Variants in EOMES observed in about 807,000 individuals in gnomAD.
The protein encoded by EOMES is eomesodermin, also known as eomesodermin homolog.
Under a neutral mutation model 61.0 loss-of-function variants are expected in EOMES, and 18 were observed. The ratio of observed to expected loss-of-function variants is 0.30; its 90% CI spans 0.20 to 0.44. EOMES has a LOEUF of 0.44. Among genes scored for constraint, EOMES ranks in the 20% least tolerant of loss-of-function variants. The pLI, the probability that EOMES is intolerant of heterozygous loss-of-function variation, is 1.00. For synonymous variants in EOMES, 430 were observed against 394.0 expected (o/e 1.09, Z -1.08); for missense variants, 885 against 939.2 (o/e 0.94, Z 0.75).
upstream of EOMES, chr3:27,722,408 C>T (rs1219874727): frequency 2.2e-6 from 3 of 1,366,000 alleles, no homozygotes; most frequent in Admixed American, 1.2e-4. Flanking sequence ...CTTCCCCTTC[C>T]TCCCGCGCCG....
Position 27,717,478 on chromosome 3 carries a change from T to C in EOMES, c.1710A>G (p.Lys570=), listed in dbSNP as rs2060577758. ...TSSTLLPYGI[K]SLPLQTSHAL... is the part of the protein sequence containing the mutation. ...CATGGGATGTCTGAAGGGGCAAGGA[T>C]TTAATGCCATATGGGAGCAATGTGC... The change falls in exon 6 of 6, where the codon AAA becomes AAG. Residue 570 remains lysine (K), a synonymous_variant. Transcript: ENST00000449599. This position sits in a 1 kb window ranked among gnomAD's most constrained non-coding sequence, Gnocchi z 4.5. 1 of 1,614,022 alleles carries C rather than the reference T, an allele frequency of 6.2e-7. No individual in the cohort carries two copies. The highest frequency in any genetic ancestry group is 1.3e-5 in the African/African-American group (1 of 74,930).
Position 27,720,292 on chromosome 3 carries a change from G to A in EOMES, c.915C>T (p.Asn305=), listed in dbSNP as rs763303684. The A allele has an allele frequency of 8.7e-6, 14 of 1,613,752 alleles. No homozygotes were observed. Among genetic ancestry groups the A allele is most frequent in the South Asian group, 2.2e-5 (2 of 91,082 alleles). Reference sequence around the variant, plus strand: ...TGTAGTGGGCAGTGGGATTGAGTCCGTTTATGTTGAAGCTCAAGAAAGGAA... The same window carrying A: ...TGTAGTGGGCAGTGGGATTGAGTCCATTTATGTTGAAGCTCAAGAAAGGAA... The part of the protein sequence containing the change: ...RMFPFLSFNI[N]GLNPTAHYNV... Residue 305 remains asparagine, a synonymous_variant, in exon 2 of 6, where the codon AAC becomes AAT. Transcript: ENST00000449599.
chr3:27,717,538 T>TA lies in EOMES; in HGVS notation c.1649dup (p.Asp551ArgfsTer6). On this transcript the variant is annotated frameshift_variant, in exon 6 of 6. Coordinates refer to ENST00000449599, the MANE Select transcript of EOMES (RefSeq NM_001278182.2). LOFTEE classifies it high-confidence loss of function. This position sits in a 1 kb window ranked among gnomAD's most constrained non-coding sequence, Gnocchi z 4.5. Reference sequence around the variant, plus strand: ...ATTCAGATTCATAGGAACTGATGTCTAGTTTGTTGGTCCCAGGTTGCTGGA... The same window carrying TA: ...ATTCAGATTCATAGGAACTGATGTCTAAGTTTGTTGGTCCCAGGTTGCTGGA... The TA allele has an allele frequency of 6.2e-7, 1 of 1,614,194 alleles. No individual in the cohort carries two copies. Among genetic ancestry groups the TA allele is most frequent in the African/African-American group, 1.3e-5 (1 of 75,060 alleles).
chr3:27,722,243 G>C lies in EOMES; in HGVS notation c.52C>G (p.His18Asp). 6.2e-7 allele frequency: 1 copy of C among 1,605,068 alleles called. No homozygotes were observed. The highest frequency in any genetic ancestry group is 8.5e-7 in the Non-Finnish European group (1 of 1,176,636). Residue 18 changes from histidine (H) to aspartate (D), a missense_variant, in exon 1 of 6, where the codon CAC becomes GAC. This residue lies in a region of EOMES where 449 missense variants were observed against 383.6 expected (regional missense o/e 1.17). Transcript: ENST00000449599. ...LVSSVNLPGA[H>D]FYPLESARGG... ...CGCGCACTCTCCAGCGGGTAGAAGTGCGCGCCAGGCAGGTTCACTGAGCTC... is the reference window on the plus strand; with the variant it reads ...CGCGCACTCTCCAGCGGGTAGAAGTCCGCGCCAGGCAGGTTCACTGAGCTC...
Position 27,716,376 on chromosome 3 carries a change from CTTTTT to C in EOMES, c.*689_*693del, listed in dbSNP as rs530939637. On this transcript the variant is annotated 3_prime_UTR_variant, in exon 6 of 6. Transcript: ENST00000449599. ...ACAACTGTACACTTTTAAATTCTCC[CTTTTT>C]TTTTTTTTTTTTTTTGGTGACTCCT... 2.3e-4 allele frequency: 27 copies of C among 115,840 alleles called. No homozygotes were observed. Among genetic ancestry groups the C allele is most frequent in the African/African-American group, 8.9e-4 (26 of 29,138 alleles). The allele number at this position is 115,840 out of a possible 1,614,324, so 7.2% of individuals were successfully genotyped here.
chr3:27,719,050 C>T (rs1009981433), intron 3 of EOMES, among the ~76,000 whole-genome samples, 157 bp from the exon 4 acceptor site: 1 of 151,636 alleles, frequency 6.6e-6, no homozygotes, highest in Admixed American at 6.6e-5. Flanking sequence ...CATTATTGCC[C>T]CCCCCCTTTT....
At chr3:27,722,694 C>T, upstream of EOMES, 1 of 1,008,322 alleles carries the variant, frequency 9.9e-7, no homozygotes, top group Non-Finnish European at 1.2e-6. Context: ...AAGCATCGGT[C>T]AAGTTGACCA....
At chr3:27,720,361 A>C (rs779881317) in intron 1 of EOMES, 36 bp from the exon 2 acceptor site, 3 of 1,599,204 alleles carry the variant, frequency 1.9e-6, no homozygotes, top group South Asian at 1.1e-5. Context: ...AATCGATTTT[A>C]ATTGGGATGT....
rs763924530 is a variant in EOMES at position 27,716,221 on chromosome 3, TG to T, written c.*848del. 5 of 152,228 alleles carry T rather than the reference TG, an allele frequency of 3.3e-5. No individual in the cohort carries two copies. Among genetic ancestry groups the T allele is most frequent in the Non-Finnish European group, 7.3e-5 (5 of 68,040 alleles). 9.4% of individuals were successfully genotyped at this position (152,228 alleles called of 1,614,324 possible). A position where few individuals can be genotyped will look rare whatever the true frequency, so the allele number is the denominator to read the frequency against. On this transcript the variant is annotated 3_prime_UTR_variant, in exon 6 of 6. Coordinates refer to ENST00000449599, the MANE Select transcript of EOMES (RefSeq NM_001278182.2). ...CATGGGGATGATGAAACTCTCCCCTTGCCCCTGCAGCTGTTAAGTGATTTGC... is the reference window on the plus strand; with the variant it reads ...CATGGGGATGATGAAACTCTCCCCTTCCCCTGCAGCTGTTAAGTGATTTGC...
Position 27,717,756 on chromosome 3 carries a change from G to C in EOMES, c.1432C>G (p.Pro478Ala). 2 of 1,613,110 alleles carry C rather than the reference G, an allele frequency of 1.2e-6. No homozygotes were observed. The highest frequency in any genetic ancestry group is 1.7e-6 in the Non-Finnish European group (2 of 1,179,386). The part of the protein sequence containing the change: ...DRLTPSPTDS[P>A]RSHQIVPGGR... ...CCAGGGACAATCTGATGGGATCTAG[G>C]AGAATCCGTGGGAGATGGAGTTAAC... The change falls in exon 6 of 6, where the codon CCT becomes GCT. Residue 478 changes from proline to alanine, a missense_variant. By Grantham distance (27) the Pro-to-Ala change is conservative. Transcript: ENST00000449599. The surrounding 1 kb of genome is among the most constrained non-coding windows in gnomAD (Gnocchi z 4.5).
At position 27,721,637 on chromosome 3, in the gene EOMES, C is replaced by T. The variant is rs1559928380; in HGVS notation, c.658G>A (p.Gly220Ser). 1 of 1,541,886 alleles carries T rather than the reference C, an allele frequency of 6.5e-7. No homozygotes were observed. ...PGAGAGSGAG[G>S]SSGGGGGPGT... is the part of the protein sequence containing the mutation. ...GGGCCGCCGCCCCCGCCGCTGCTAC[C>T]GCCCGCGCCACTGCCCGCACCGGCT... is the stretch of plus-strand genomic sequence containing the variant. Residue 220 changes from glycine (G) to serine (S), a missense_variant, in exon 1 of 6, where the codon GGT becomes AGT. Gly to Ser is a moderately conservative substitution (Grantham distance 56). Transcript: ENST00000449599. The surrounding 1 kb of genome is among the most constrained non-coding windows in gnomAD (Gnocchi z 7.4).
At position 27,721,488 on chromosome 3, in the gene EOMES, G is replaced by A; in HGVS notation, c.807C>T (p.Val269=). The A allele has an allele frequency of 6.2e-7, 1 of 1,613,528 alleles. No individual in the cohort carries two copies. The highest frequency in any genetic ancestry group is 1.7e-4 in the Middle Eastern group (1 of 6,056). The change falls in exon 1 of 6, where the codon GTC becomes GTT. Residue 269 remains valine, a synonymous_variant. Transcript: ENST00000449599. The surrounding 1 kb of genome is among the most constrained non-coding windows in gnomAD (Gnocchi z 7.4). ...GCCACAGAGGCCGGTTGCACAGGTA[G>A]ACGTGGGCACGGAAGCCAGAACCTG... The part of the protein sequence containing the change: ...GVPGSGFRAH[V]YLCNRPLWLK...
Position 27,720,341 on chromosome 3 carries a change from G to C in EOMES, c.882-16C>G. 2 of 1,613,110 alleles carry C rather than the reference G, an allele frequency of 1.2e-6. No homozygotes were observed. The highest frequency in any genetic ancestry group is 1.7e-6 in the Non-Finnish European group (2 of 1,179,174). Reference sequence around the variant, plus strand: ...AAACATGCGCCTGTGCAAGGGAATAGAATCAGAAAAATCGATTTTAATTGG... The same window carrying C: ...AAACATGCGCCTGTGCAAGGGAATACAATCAGAAAAATCGATTTTAATTGG... On this transcript the variant is annotated splice_polypyrimidine_tract_variant and intron_variant, in intron 1 of 5. Transcript: ENST00000449599.
chr3:27,717,097 C>A lies in EOMES; in HGVS notation c.2091G>T (p.Gly697=), dbSNP rs754539500. The A allele has an allele frequency of 2.5e-6, 4 of 1,611,396 alleles. No homozygotes were observed. The highest frequency in any genetic ancestry group is 1.6e-4 in the Middle Eastern group (1 of 6,076). ...AGGGAGTTGTGTAAAAAGCATAATA[C>A]CCTCCCATGCCTTTTGAGGTGTCTT... ...YSKDTSKGMG[G]YYAFYTTP Residue 697 remains glycine (G), a synonymous_variant, in exon 6 of 6, where the codon GGG becomes GGT. Transcript: ENST00000449599. This position sits in a 1 kb window ranked among gnomAD's most constrained non-coding sequence, Gnocchi z 4.5.
At chr3:27,722,636 C>T (rs2125405127), upstream of EOMES, 1 of 1,086,144 alleles carries the variant, frequency 9.2e-7, no homozygotes, top group Middle Eastern at 4.0e-4. Context: ...AGATCTTTGT[C>T]CCCATCCACC....
rs1414697211 is a variant in EOMES, at chr3:27,717,620, G to A, written c.1568C>T (p.Ser523Leu). ...RTVPQTNGLL[S>L]PQQSEEVANP... The stretch of plus-strand genomic sequence containing the variant: ...GGCCACCTCTTCGCTCTGTTGGGGT[G>A]AAAGGAGGCCGTTGGTCTGTGGCAC... The change falls in exon 6 of 6, where the codon TCA (serine) becomes TTA (leucine). Residue 523 changes from serine (S) to leucine (L), a missense_variant. This residue lies in a region of EOMES where 259 missense variants were observed against 282.3 expected (regional missense o/e 0.92). Coordinates refer to ENST00000449599, the MANE Select transcript of EOMES (RefSeq NM_001278182.2). The surrounding 1 kb of genome is among the most constrained non-coding windows in gnomAD (Gnocchi z 4.5). 5 of 1,614,130 alleles carry A rather than the reference G, an allele frequency of 3.1e-6. No individual in the cohort carries two copies. The South Asian group carries it at 4.4e-5, about 14-fold the overall frequency.
At chr3:27,718,483 C>A in intron 5 of EOMES, 104 bp downstream of exon 5, 15 of 740,408 alleles carry the variant, frequency 2.0e-5, no homozygotes, top group South Asian at 1.7e-4. Context: ...TGTAAAAATC[C>A]CAAAGGTAAA....
Position 27,717,774 on chromosome 3 carries a change from G to A in EOMES, c.1414C>T (p.Pro472Ser). Reference protein sequence around the residue: ...YTASENDRLTPSPTDSPRSHQ... With the variant: ...YTASENDRLTSSPTDSPRSHQ... Reference sequence around the variant, plus strand: ...GATCTAGGAGAATCCGTGGGAGATGGAGTTAACCTGTCATTTTCTGAAGCG... The same window carrying A: ...GATCTAGGAGAATCCGTGGGAGATGAAGTTAACCTGTCATTTTCTGAAGCG... Residue 472 changes from proline to serine, a missense_variant, in exon 6 of 6, where the codon CCA (proline) becomes TCA (serine). This residue lies in a region of EOMES where 177 missense variants were observed against 273.3 expected (regional missense o/e 0.65). Coordinates refer to ENST00000449599, the MANE Select transcript of EOMES (RefSeq NM_001278182.2). This position sits in a 1 kb window ranked among gnomAD's most constrained non-coding sequence, Gnocchi z 4.5. The A allele has an allele frequency of 6.2e-7, 1 of 1,611,840 alleles. No homozygotes were observed. Among genetic ancestry groups the A allele is most frequent in the Non-Finnish European group, 8.5e-7 (1 of 1,178,550 alleles).
At position 27,716,905 on chromosome 3, in the gene EOMES, G is replaced by A. The variant is rs2060572772; in HGVS notation, c.*165C>T. 2 of 582,072 alleles carry A rather than the reference G, an allele frequency of 3.4e-6. No individual in the cohort carries two copies. The highest frequency in any genetic ancestry group is 6.1e-6 in the Non-Finnish European group (2 of 329,888). 36.1% of individuals were successfully genotyped at this position (582,072 alleles called of 1,614,324 possible). On this transcript the variant is annotated 3_prime_UTR_variant, in exon 6 of 6. Coordinates refer to ENST00000449599, the MANE Select transcript of EOMES (RefSeq NM_001278182.2). Reference sequence around the variant, plus strand: ...GCTAGGTTTGTTTCAGTTACCTGCAGCAATCAAAAAGCTTTGGCACCTTCT... The same window carrying A: ...GCTAGGTTTGTTTCAGTTACCTGCAACAATCAAAAAGCTTTGGCACCTTCT...
Sources: allele counts gnomAD v4.1 joint callset (sites outside exome capture counted in the v4.1 genomes callset), GRCh38; gene constraint gnomAD v4.1.1; regional missense constraint gnomAD v4.1.1; non-coding constraint Gnocchi (gnomAD v3.1); transcripts MANE v1.5; gene names NCBI Gene and HGNC (gene_info 2026-07-23, HGNC 2026-07-21).